The following FLRT2 variants were observed in gnomAD, a reference collection of about 807,000 sequenced individuals.
The protein encoded by FLRT2 is leucine-rich repeat transmembrane protein FLRT2.
In FLRT2, 15 loss-of-function variants were observed where a neutral mutation model predicts 40.0. The ratio of observed to expected loss-of-function variants is 0.38; its 90% confidence interval spans 0.25 to 0.58. The LOEUF (loss-of-function observed/expected upper bound fraction) is 0.58. Ranked by LOEUF, FLRT2 falls within the 20% of genes least tolerant of loss-of-function variation. FLRT2 has a pLI of 0.71. For missense variants in FLRT2, 726 were observed against 840.0 expected, an observed-to-expected ratio of 0.86 and a Z score of 1.68; for synonymous variants, 380 against 336.8, an observed-to-expected ratio of 1.13 and a Z score of -1.41.
chr14:85,600,127 G>T (rs1359821122), intron 1 of FLRT2, among the ~76,000 whole-genome samples: 1 of 152,174 alleles, frequency 6.6e-6, no homozygotes. Context: ...AAGAAGAATT[G>T]ACCTCACTAA....
rs983375355 is a variant in FLRT2 at position 85,626,462 on chromosome 14, A to G, written c.*2965A>G. 3 of 167,126 alleles carry G rather than the reference A, an allele frequency of 1.8e-5. No individual in the cohort carries two copies. Among genetic ancestry groups the G allele is most frequent in the Non-Finnish European group, 2.9e-5 (2 of 68,132 alleles). The allele number at this position is 167,126 out of a possible 1,614,324, so 10.4% of individuals were successfully genotyped here. The stretch of plus-strand genomic sequence containing the variant: ...GGTGACTCAGATAGAATCTGATCCC[A>G]TTCAGAGCTTGGTAAATGTCACTGT... On this transcript the variant is annotated 3_prime_UTR_variant, in exon 2 of 2. Transcript: ENST00000330753.
At position 85,590,089 on chromosome 14, in the gene FLRT2, G is replaced by T. The variant is rs549443717; in HGVS notation, c.-376-31050G>T. Among the ~76,000 whole-genome samples, 255 of 149,446 alleles carry T rather than the reference G, an allele frequency of 1.7e-3. 1 individual carries two copies. The Middle Eastern group carries it at 0.024, about 14-fold the overall frequency. On this transcript the variant is annotated intron_variant, in intron 1 of 1. Coordinates refer to ENST00000330753, the MANE Select transcript of FLRT2 (RefSeq NM_013231.6). ...TTTTTTTTTTAAACATAACATTATA[G>T]ACCTTTTGAGCTCTTTGTTGTAGGA...
chr14:85,532,156 G>A (rs1275863417), intron 1 of FLRT2, among the ~76,000 whole-genome samples: 1 of 152,238 alleles, frequency 6.6e-6, no homozygotes, highest in Non-Finnish European at 1.5e-5. Flanking sequence ...GGCGGCCACT[G>A]CCCCACTTAA....
chr14:85,549,734 A>C lies in FLRT2; in HGVS notation c.-377+19200A>C, dbSNP rs75387725. On this transcript the variant is annotated intron_variant, in intron 1 of 1. Coordinates refer to ENST00000330753, the MANE Select transcript of FLRT2 (RefSeq NM_013231.6). Reference sequence around the variant, plus strand: ...GTGTGTTATCTGCCACACTTCAAGTACTAGCATGCATTAAAATCCCTATCC... The same window carrying C: ...GTGTGTTATCTGCCACACTTCAAGTCCTAGCATGCATTAAAATCCCTATCC... Among the ~76,000 whole-genome samples the C allele has an allele frequency of 4.8e-3, 729 of 152,024 alleles. 6 individuals are homozygous for C. The highest frequency in any genetic ancestry group is 0.021 in the Middle Eastern group (6 of 290).
chr14:85,557,741 C>T (rs1438194307), intron 1 of FLRT2, among the ~76,000 whole-genome samples: 2 of 152,104 alleles, frequency 1.3e-5, no homozygotes, highest in Non-Finnish European at 2.9e-5. Context: ...TGCTTGAAGC[C>T]AGGAGGTAGA....
chr14:85,592,724 G>A (rs10162569), intron 1 of FLRT2, among the ~76,000 whole-genome samples: 45,231 of 146,854 alleles, frequency 0.31, 7,603 homozygotes, highest in African/African-American at 0.45. Flanking sequence ...AGGAGGCGAA[G>A]GTTGCAGCGA....
intron 1 of FLRT2, among the ~76,000 whole-genome samples, chr14:85,565,355 C>T (rs2139851771): frequency 6.6e-6 from 1 of 152,192 alleles, no homozygotes; most frequent in East Asian, 1.9e-4. Context: ...AGTAATCTGT[C>T]ACATTCATTT....
intron 1 of FLRT2, among the ~76,000 whole-genome samples, chr14:85,582,310 C>A (rs533788035): frequency 6.6e-6 from 1 of 152,162 alleles, no homozygotes; most frequent in Non-Finnish European, 1.5e-5. Context: ...ATTTAGGAAC[C>A]TCTGTGAAAG....
At chr14:85,573,953 C>A (rs1891009768) in intron 1 of FLRT2, among the ~76,000 whole-genome samples, 1 of 152,146 alleles carries the variant, frequency 6.6e-6, no homozygotes, top group Admixed American at 6.5e-5. Flanking sequence ...GTCTGAGTTG[C>A]CAGATCATTT....
intron 1 of FLRT2, among the ~76,000 whole-genome samples, chr14:85,549,810 ATTTTTT>A (rs61018495): frequency 1.5e-5 from 2 of 134,898 alleles, no homozygotes; most frequent in Non-Finnish European, 3.2e-5. Flanking sequence ...ACACATAGCT[ATTTTTT>A]TTTTTTTTTT....
intron 1 of FLRT2, among the ~76,000 whole-genome samples, chr14:85,554,375 C>G (rs1259109036): frequency 6.6e-6 from 1 of 152,170 alleles, no homozygotes; most frequent in Non-Finnish European, 1.5e-5. Context: ...GCTTCATTTT[C>G]TGATATATTA....
chr14:85,562,158 G>A (rs189503266), intron 1 of FLRT2, among the ~76,000 whole-genome samples: 1 of 152,194 alleles, frequency 6.6e-6, no homozygotes, highest in African/African-American at 2.4e-5. Flanking sequence ...CTAAATGCAG[G>A]CATCTGAGAA....
intron 1 of FLRT2, among the ~76,000 whole-genome samples, chr14:85,567,437 C>A (rs1287221560): frequency 6.6e-6 from 1 of 152,092 alleles, no homozygotes; most frequent in Non-Finnish European, 1.5e-5. Context: ...AGCATGGATT[C>A]TGGAGCCAGA....
rs1000050082 is a variant in FLRT2, at chr14:85,651,077, T to A, written c.*27580T>A. 6.6e-6 allele frequency: 1 copy of A among 152,130 alleles called. No homozygotes were observed. The highest frequency in any genetic ancestry group is 1.5e-5 in the Non-Finnish European group (1 of 68,008). The allele number at this position is 152,130 out of a possible 1,614,324, so 9.4% of individuals were successfully genotyped here. On this transcript the variant is annotated 3_prime_UTR_variant, in exon 2 of 2. Coordinates refer to ENST00000330753, the MANE Select transcript of FLRT2 (RefSeq NM_013231.6). ...ACTAATTTAGCTGCCTCCCTCAATC[T>A]TTTATATGTAATTTTAAGTTAATAT...
In FLRT2 at chr14:85,638,454, A is replaced by T. The variant is rs745852049; in HGVS notation, c.*14957A>T. On this transcript the variant is annotated 3_prime_UTR_variant, in exon 2 of 2. Coordinates refer to ENST00000330753, the MANE Select transcript of FLRT2 (RefSeq NM_013231.6). ...CAGTTTAGGCTTCCCTTGAGATTTC[A>T]TCATGGCTTTACTTCTCCCTCTACC... The T allele has an allele frequency of 6.6e-6, 1 of 152,348 alleles. No individual in the cohort carries two copies. The highest frequency in any genetic ancestry group is 1.9e-4 in the East Asian group (1 of 5,188). The allele number at this position is 152,348 out of a possible 1,614,324, so 9.4% of individuals were successfully genotyped here.
intron 1 of FLRT2, among the ~76,000 whole-genome samples, chr14:85,580,891 G>A (rs1448553796): frequency 6.6e-6 from 1 of 152,192 alleles, no homozygotes; most frequent in Non-Finnish European, 1.5e-5. Context: ...ATGTGGAAAT[G>A]CAAGTAAAGT....
In FLRT2 at chr14:85,626,287, C is replaced by T. The variant is rs1351514266; in HGVS notation, c.*2790C>T. 1.2e-5 allele frequency: 2 copies of T among 167,062 alleles called. No individual in the cohort carries two copies. The highest frequency in any genetic ancestry group is 2.9e-5 in the Non-Finnish European group (2 of 68,134). The allele number at this position is 167,062 out of a possible 1,614,324, so 10.3% of individuals were successfully genotyped here. ...TGGGAATGTATATTTGCTGATATATCTGCTCTGTGTTTGGGCCTCTCTTGC... is the reference window on the plus strand; with the variant it reads ...TGGGAATGTATATTTGCTGATATATTTGCTCTGTGTTTGGGCCTCTCTTGC... On this transcript the variant is annotated 3_prime_UTR_variant, in exon 2 of 2. Coordinates refer to ENST00000330753, the MANE Select transcript of FLRT2 (RefSeq NM_013231.6).
At position 85,645,921 on chromosome 14, in the gene FLRT2, C is replaced by G. The variant is rs905857396; in HGVS notation, c.*22424C>G. 6.9e-4 allele frequency: 105 copies of G among 152,294 alleles called. No individual in the cohort carries two copies. The highest frequency in any genetic ancestry group is 2.5e-3 in the African/African-American group (104 of 41,580). 9.4% of individuals were successfully genotyped at this position (152,294 alleles called of 1,614,324 possible). A position where few individuals can be genotyped will look rare whatever the true frequency, so the allele number is the denominator to read the frequency against. On this transcript the variant is annotated 3_prime_UTR_variant, in exon 2 of 2. Transcript: ENST00000330753. ...ACTATTCACTAGGAGGTTCAGCAAT[C>G]TATTTAGTGGCAGGTGGTGACAGTG...
rs1181745920 is a variant in FLRT2, at chr14:85,588,442, C to T, written c.-376-32697C>T. On this transcript the variant is annotated intron_variant, in intron 1 of 1. Coordinates refer to ENST00000330753, the MANE Select transcript of FLRT2 (RefSeq NM_013231.6). ...AGAAATTAAATGACTTGATCCAGTTCCTATCACTAGCTCAGTTTTTTTTTT... is the reference window on the plus strand; with the variant it reads ...AGAAATTAAATGACTTGATCCAGTTTCTATCACTAGCTCAGTTTTTTTTTT... Among the ~76,000 whole-genome samples, 3 of 141,158 alleles carry T rather than the reference C, an allele frequency of 2.1e-5. No individual in the cohort carries two copies. In the East Asian group the frequency reaches 6.4e-4, roughly 30 times the overall value. The allele number at this position is 141,158 out of a possible 152,430, so 92.6% of individuals were successfully genotyped here.
Sources: gnomAD v4.1 joint callset for allele counts (sites outside exome capture counted in the v4.1 genomes callset) on GRCh38, gnomAD v4.1.1 for gene constraint, MANE v1.5 for transcripts, NCBI Gene and HGNC (gene_info 2026-07-23, HGNC 2026-07-21) for gene names.